Variants in BCAR3 observed in about 807,000 individuals in gnomAD.
The protein encoded by BCAR3 is breast cancer anti-estrogen resistance protein 3.
A neutral mutation model predicts 80.1 loss-of-function variants in BCAR3; 37 were observed. That is an observed-to-expected ratio of 0.46 (90% CI 0.36 to 0.61). BCAR3 has a LOEUF of 0.61. Ranked by LOEUF, BCAR3 falls within the 20% of genes least tolerant of loss-of-function variation. The pLI, the probability that BCAR3 is intolerant of heterozygous loss-of-function variation, is 0.00. For synonymous variants in BCAR3, 389 were observed against 418.9 expected, an observed-to-expected ratio of 0.93 and a Z score of 0.87; for missense variants, 978 against 1,068.2, an observed-to-expected ratio of 0.92 and a Z score of 1.18.
At chr1:93,629,974 T>A (rs767666264) in intron 3 of BCAR3, among the ~76,000 whole-genome samples, 7 of 152,210 alleles carry the variant, frequency 4.6e-5, no homozygotes, top group African/African-American at 9.7e-5. Flanking sequence ...TGGAAAAATT[T>A]TAGAGACATC....
intron 3 of BCAR3, among the ~76,000 whole-genome samples, chr1:93,639,275 T>C (rs1056939863): frequency 6.6e-6 from 1 of 152,142 alleles, no homozygotes; most frequent in Non-Finnish European, 1.5e-5. Context: ...AGCTGAATGT[T>C]GGATTCTTCC....
intron 2 of BCAR3, among the ~76,000 whole-genome samples, chr1:93,840,326 A>T (rs1333839602): frequency 1.3e-5 from 2 of 152,198 alleles, no homozygotes; most frequent in African/African-American, 4.8e-5. Flanking sequence ...CCATCTGGGA[A>T]TGGGGCAATG....
chr1:93,776,508 A>C (rs908917703), intron 2 of BCAR3, among the ~76,000 whole-genome samples: 13 of 152,208 alleles, frequency 8.5e-5, no homozygotes, highest in Middle Eastern at 3.2e-3. Context: ...TAAGTATTCA[A>C]ATTTTCAAAC....
intron 3 of BCAR3, among the ~76,000 whole-genome samples, chr1:93,632,257 C>T (rs1021906447): frequency 2.0e-5 from 3 of 152,220 alleles, no homozygotes; most frequent in Non-Finnish European, 4.4e-5. Context: ...AAGGTGCAAA[C>T]AGCCTAGAGC....
chr1:93,618,939 G>GTT (rs386367697), intron 3 of BCAR3, among the ~76,000 whole-genome samples: 2 of 119,492 alleles, frequency 1.7e-5, no homozygotes. Flanking sequence ...TTTTTTTTTT[G>GTT]TTTTTTTTTT....
chr1:93,755,269 T>G (rs1651704351), intron 2 of BCAR3, among the ~76,000 whole-genome samples: 1 of 152,012 alleles, frequency 6.6e-6, no homozygotes, highest in Admixed American at 6.6e-5. Flanking sequence ...AAAAATAAAG[T>G]TTTAAAATAA....
chr1:93,633,819 TTAG>T (rs1231750845), intron 3 of BCAR3, among the ~76,000 whole-genome samples: 1 of 152,174 alleles, frequency 6.6e-6, no homozygotes, highest in East Asian at 1.9e-4. Context: ...ATTTTTTTAG[TTAG>T]TAGTCAGGGG....
intron 3 of BCAR3, among the ~76,000 whole-genome samples, chr1:93,690,027 A>C (rs1214562159): frequency 2.6e-5 from 4 of 152,238 alleles, no homozygotes; most frequent in Non-Finnish European, 4.4e-5. Context: ...CTGTAGAGGA[A>C]TTATTTAATT....
intron 2 of BCAR3, among the ~76,000 whole-genome samples, chr1:93,803,224 A>G (rs1653549071): frequency 6.6e-6 from 1 of 152,164 alleles, no homozygotes; most frequent in African/African-American, 2.4e-5. Context: ...GGCTGTAGGA[A>G]GCAAGTGTCC....
At chr1:93,663,684 T>A (rs1380157318) in intron 2 of BCAR3, among the ~76,000 whole-genome samples, 1 of 152,188 alleles carries the variant, frequency 6.6e-6, no homozygotes, top group Non-Finnish European at 1.5e-5. Context: ...GACCTGGCCT[T>A]TCTGTCTTTG....
intron 3 of BCAR3, among the ~76,000 whole-genome samples, chr1:93,699,196 T>C (rs1557658826): frequency 6.6e-6 from 1 of 152,220 alleles, no homozygotes; most frequent in African/African-American, 2.4e-5. Flanking sequence ...ACTGTAGAGA[T>C]CCAATTTGAA....
chr1:93,612,926 T>C (rs531165835), intron 3 of BCAR3, among the ~76,000 whole-genome samples: 1 of 152,220 alleles, frequency 6.6e-6, no homozygotes, highest in Non-Finnish European at 1.5e-5. Context: ...CAAAAAGGTT[T>C]TCTCCCACTA....
intron 2 of BCAR3, among the ~76,000 whole-genome samples, chr1:93,651,768 C>A (rs1676333104): frequency 6.6e-6 from 1 of 152,092 alleles, no homozygotes; most frequent in South Asian, 2.1e-4. Context: ...GGTAACTCTC[C>A]CACTCTGGCC....
At chr1:93,671,784 AAGGAATTC>A (rs2101943189) in intron 2 of BCAR3, among the ~76,000 whole-genome samples, 1 of 152,304 alleles carries the variant, frequency 6.6e-6, no homozygotes, top group African/African-American at 2.4e-5. Flanking sequence ...TGGTTTCAAA[AAGGAATTC>A]AGGCAGCTTA....
At chr1:93,636,396 C>A (rs1367007530) in intron 3 of BCAR3, among the ~76,000 whole-genome samples, 1 of 152,158 alleles carries the variant, frequency 6.6e-6, no homozygotes, top group Admixed American at 6.5e-5. Context: ...AGAGGACATG[C>A]GTTCACTAGG....
intron 2 of BCAR3, among the ~76,000 whole-genome samples, chr1:93,672,143 A>C (rs1182515909): frequency 6.6e-6 from 1 of 152,186 alleles, no homozygotes; most frequent in Non-Finnish European, 1.5e-5. Context: ...CACAGCCTGG[A>C]CTTCAAACTC....
chr1:93,641,481 T>G (rs1426472922), intron 3 of BCAR3, among the ~76,000 whole-genome samples: 2 of 152,256 alleles, frequency 1.3e-5, no homozygotes, highest in Non-Finnish European at 2.9e-5. Flanking sequence ...AGAATCAGAC[T>G]TCTTTCTTCT....
intron 2 of BCAR3, among the ~76,000 whole-genome samples, chr1:93,645,104 T>C (rs1391690555): frequency 1.3e-5 from 2 of 152,160 alleles, no homozygotes; most frequent in African/African-American, 4.8e-5. Context: ...AAAGCGCCCA[T>C]GGGTGACTGG....
chr1:93,642,998 C>CGG (rs906423198), intron 2 of BCAR3, among the ~76,000 whole-genome samples: 11 of 150,944 alleles, frequency 7.3e-5, no homozygotes, highest in Non-Finnish European at 1.2e-4. Context: ...GAGGCCAAGG[C>CGG]GGGAGGATCA....
Sources: gnomAD v4.1 joint callset for allele counts (sites outside exome capture counted in the v4.1 genomes callset) on GRCh38, gnomAD v4.1.1 for gene constraint, MANE v1.5 for transcripts, NCBI Gene and HGNC (gene_info 2026-07-23, HGNC 2026-07-21) for gene names.